Variants in ADGRL3 observed in about 807,000 individuals in gnomAD.
The protein encoded by ADGRL3 is calcium-independent alpha-latrotoxin receptor 3.
A neutral mutation model predicts 153.5 loss-of-function variants in ADGRL3; 62 were observed. That is an observed-to-expected ratio of 0.40 (90% CI 0.33 to 0.50). ADGRL3 has a LOEUF of 0.50. Ranked by LOEUF, ADGRL3 falls within the 20% of genes least tolerant of loss-of-function variation. ADGRL3 has a pLI of 0.47. For synonymous variants in ADGRL3, 710 were observed against 672.5 expected (o/e 1.06, Z -0.86); for missense variants, 1,641 against 1,859.4 (o/e 0.88, Z 2.16).
chr4:62,031,553 T>G lies in ADGRL3; in HGVS notation c.3534T>G (p.Ile1178Met), dbSNP rs1394544770. The G allele has an allele frequency of 6.2e-7, 1 of 1,610,332 alleles. No individual in the cohort carries two copies. The highest frequency in any genetic ancestry group is 1.3e-5 in the African/African-American group (1 of 74,760). ...TCATCATGGCCTATCTCTTCACCAT[T>G]TTCAATTCTCTACAGGGAATGTTTA... ...STVIMAYLFT[I>M]FNSLQGMFIF... Residue 1178 changes from isoleucine to methionine, a missense_variant, in exon 23 of 27, where the codon ATT becomes ATG. Around this residue, in one of 5 missense-constraint regions of ADGRL3, gnomAD observed 517 missense variants for 555.0 expected, o/e 0.93. Transcript: ENST00000683033.
At chr4:61,826,916 TAA>T (rs34335394) in intron 9 of ADGRL3, among the ~76,000 whole-genome samples, 57,886 of 149,850 alleles carry the variant, frequency 0.39, 11,797 homozygotes, top group East Asian at 0.62. Context: ...TAAAGTATAA[TAA>T]AAAAAAAAAT....
rs943156104 is a variant in ADGRL3, at chr4:62,070,563, T to G, written c.4287T>G (p.Ser1429Arg). Residue 1429 changes from serine (S) to arginine (R), a missense_variant, in exon 27 of 27, where the codon AGT (serine) becomes AGG (arginine). By Grantham distance (110) the Ser-to-Arg change is moderately radical (BLOSUM62 -1). Coordinates refer to ENST00000683033, the MANE Select transcript of ADGRL3 (RefSeq NM_001387552.1). ...YTRRRIPQDHSESFFPLLTNE... is the reference protein window; with the variant it reads ...YTRRRIPQDHRESFFPLLTNE... The stretch of plus-strand genomic sequence containing the variant: ...GAAGGCGGATCCCCCAAGACCACAG[T>G]GAGAGCTTTTTCCCTTTGCTAACCA... The G allele has an allele frequency of 1.3e-6, 2 of 1,544,660 alleles. No individual in the cohort carries two copies. Among genetic ancestry groups the G allele is most frequent in the South Asian group, 2.4e-5 (2 of 83,898 alleles).
At chr4:62,029,000 C>A in intron 22 of ADGRL3, 119 bp downstream of exon 22, 1 of 810,086 alleles carries the variant, frequency 1.2e-6, no homozygotes, top group Non-Finnish European at 1.9e-6. Context: ...GGCAGAAGAG[C>A]AAACTGTGCA....
chr4:61,459,805 T>G (rs1484060059), intron 2 of ADGRL3, among the ~76,000 whole-genome samples: 2 of 152,132 alleles, frequency 1.3e-5, no homozygotes, highest in East Asian at 3.9e-4. Flanking sequence ...ATTAGTGATA[T>G]TGAGCATTTT....
Position 61,732,101 on chromosome 4 carries a change from C to G in ADGRL3, c.599-653C>G, listed in dbSNP as rs189229255. On this transcript the variant is annotated intron_variant, in intron 7 of 26. Transcript: ENST00000683033. ...TCTTTTCTGTAACCTTTCACCTTTT[C>G]TTCTTTCCTTATTCCTTCTTTCCTT... Among the ~76,000 whole-genome samples, 17 of 152,192 alleles carry G rather than the reference C, an allele frequency of 1.1e-4. 1 individual carries two copies. Among genetic ancestry groups the G allele is most frequent in the African/African-American group, 3.9e-4 (16 of 41,556 alleles).
chr4:61,338,194 C>G (rs1305661966), intron 1 of ADGRL3, among the ~76,000 whole-genome samples: 21 of 151,802 alleles, frequency 1.4e-4, no homozygotes, highest in Admixed American at 6.6e-4. Flanking sequence ...TCGCTTGAAC[C>G]TAGGAGGAAG....
At chr4:61,337,437 C>T (rs991678564) in intron 1 of ADGRL3, among the ~76,000 whole-genome samples, 2 of 152,158 alleles carry the variant, frequency 1.3e-5, no homozygotes, top group Non-Finnish European at 2.9e-5. Flanking sequence ...AGAAATGCAA[C>T]ATGCTTGGGT....
chr4:61,946,669 A>T (rs111832847), intron 15 of ADGRL3, among the ~76,000 whole-genome samples: 2 of 152,200 alleles, frequency 1.3e-5, no homozygotes, highest in African/African-American at 4.8e-5. Context: ...TGTATGATCT[A>T]TCTTAAACTT....
chr4:61,207,746 T>G (rs900743044), intron 1 of ADGRL3, among the ~76,000 whole-genome samples: 5 of 152,200 alleles, frequency 3.3e-5, no homozygotes, highest in Admixed American at 2.6e-4. Flanking sequence ...CCATTCTAAC[T>G]GTCATGAGAT....
At chr4:61,604,963 C>G (rs538201695) in intron 5 of ADGRL3, among the ~76,000 whole-genome samples, 2 of 150,946 alleles carry the variant, frequency 1.3e-5, no homozygotes, top group Admixed American at 1.3e-4. Context: ...GGTGGCACAC[C>G]GCTGTAATCC....
chr4:61,298,098 T>G (rs2094470157), intron 1 of ADGRL3, among the ~76,000 whole-genome samples: 1 of 152,164 alleles, frequency 6.6e-6, no homozygotes, highest in Admixed American at 6.5e-5. Flanking sequence ...GAATTTTAGT[T>G]ACTGTTTATT....
At chr4:61,709,675 ACC>A (rs2095929121) in intron 6 of ADGRL3, among the ~76,000 whole-genome samples, 1 of 152,200 alleles carries the variant, frequency 6.6e-6, no homozygotes, top group Non-Finnish European at 1.5e-5. Context: ...TGGTCTCACA[ACC>A]TTGCCAATAA....
intron 5 of ADGRL3, among the ~76,000 whole-genome samples, chr4:61,621,331 A>G (rs2092496380): frequency 6.6e-6 from 1 of 152,182 alleles, no homozygotes; most frequent in Admixed American, 6.5e-5. Context: ...AAGCAGCAAC[A>G]ATGGTGATAA....
chr4:61,464,113 G>A (rs2097853774), intron 2 of ADGRL3, among the ~76,000 whole-genome samples: 1 of 152,122 alleles, frequency 6.6e-6, no homozygotes, highest in East Asian at 1.9e-4. Flanking sequence ...TACAAAAACA[G>A]GCCACCTACC....
At chr4:62,036,473 A>G (rs1373362083) in intron 23 of ADGRL3, among the ~76,000 whole-genome samples, 1 of 152,102 alleles carries the variant, frequency 6.6e-6, no homozygotes, top group East Asian at 1.9e-4. Flanking sequence ...CACTCAATAA[A>G]TGTGAGTTCT....
chr4:61,756,557 A>G (rs989993663), intron 8 of ADGRL3, among the ~76,000 whole-genome samples: 3 of 152,196 alleles, frequency 2.0e-5, no homozygotes, highest in Non-Finnish European at 4.4e-5. Context: ...TAATCATATC[A>G]TCTGTAAACA....
intron 1 of ADGRL3, among the ~76,000 whole-genome samples, chr4:61,301,738 G>T (rs1274217371): frequency 1.3e-5 from 2 of 151,992 alleles, no homozygotes; most frequent in African/African-American, 4.8e-5. Flanking sequence ...AGATTTTTCT[G>T]GAATATTGGG....
intron 3 of ADGRL3, among the ~76,000 whole-genome samples, chr4:61,514,222 T>C (rs987734284): frequency 1.3e-5 from 2 of 152,140 alleles, no homozygotes; most frequent in Admixed American, 6.6e-5. Flanking sequence ...CTTCAGATGC[T>C]ATTGTGCCCC....
At chr4:61,362,600 T>G (rs2096304753) in intron 1 of ADGRL3, among the ~76,000 whole-genome samples, 1 of 152,130 alleles carries the variant, frequency 6.6e-6, no homozygotes, top group African/African-American at 2.4e-5. Flanking sequence ...AAGAAAGTGT[T>G]ATTAAGAAAA....
Sources: gnomAD v4.1 joint callset for allele counts (sites outside exome capture counted in the v4.1 genomes callset) on GRCh38, gnomAD v4.1.1 for gene constraint, gnomAD v4.1.1 regional missense constraint, MANE v1.5 for transcripts, NCBI Gene and HGNC (gene_info 2026-07-23, HGNC 2026-07-21) for gene names.